CDH13: variants seen among roughly 807,000 people sequenced by gnomAD.
CDH13 encodes the protein cadherin-13.
A neutral mutation model predicts 63.8 loss-of-function variants in CDH13; 24 were observed. The observed-to-expected ratio is 0.38, with a 90% CI of 0.27 to 0.53. The LOEUF (loss-of-function observed/expected upper bound fraction) is 0.53. CDH13 is among the 20% of genes least tolerant of loss of function. The pLI, the probability that CDH13 is intolerant of heterozygous loss-of-function variation, is 0.85. For missense variants in CDH13, 1,049 were observed against 903.1 expected, an observed-to-expected ratio of 1.16 and a Z score of -2.07; for synonymous variants, 503 against 355.3, an observed-to-expected ratio of 1.42 and a Z score of -4.67.
intron 4 of CDH13, among the ~76,000 whole-genome samples, chr16:83,208,431 C>T (rs1463479147): frequency 6.6e-6 from 1 of 152,018 alleles, no homozygotes; most frequent in Non-Finnish European, 1.5e-5. Flanking sequence ...AATGATAAAA[C>T]ACAAATGCCT....
intron 6 of CDH13, among the ~76,000 whole-genome samples, chr16:83,386,173 A>C (rs2091670453): frequency 6.6e-6 from 1 of 152,232 alleles, no homozygotes; most frequent in Non-Finnish European, 1.5e-5. Context: ...AATGGTGCTG[A>C]ATTCAGAATC....
intron 2 of CDH13, among the ~76,000 whole-genome samples, chr16:82,948,397 T>C (rs544824454): frequency 6.6e-6 from 1 of 152,328 alleles, no homozygotes; most frequent in East Asian, 1.9e-4. Flanking sequence ...ACACATGGCA[T>C]GCCTTCAATA....
rs144164250 is a variant in CDH13 at position 83,008,619 on chromosome 16, T to C, written c.158-23391T>C. ...ACAAACATAATGTTATACTTGGACCTTTGCTGTGTTGAGACCACTGGGTGT... is the reference window on the plus strand; with the variant it reads ...ACAAACATAATGTTATACTTGGACCCTTGCTGTGTTGAGACCACTGGGTGT... On this transcript the variant is annotated intron_variant, in intron 2 of 13. Transcript: ENST00000567109. 3.5e-4 allele frequency among the ~76,000 whole-genome samples: 54 copies of C among 152,294 alleles called. No individual in the cohort carries two copies. The East Asian group carries it at 9.8e-3, about 28-fold the overall frequency.
chr16:83,375,291 C>G (rs2091440156), intron 6 of CDH13, among the ~76,000 whole-genome samples: 1 of 152,224 alleles, frequency 6.6e-6, no homozygotes, highest in Admixed American at 6.5e-5. Context: ...TAAAGAAGTG[C>G]TGAGGCCCCC....
At chr16:83,359,489 G>A (rs2091121203) in intron 6 of CDH13, among the ~76,000 whole-genome samples, 1 of 152,090 alleles carries the variant, frequency 6.6e-6, no homozygotes, top group Non-Finnish European at 1.5e-5. Context: ...GCAGGAGTTG[G>A]AAAGACTCTA....
At chr16:82,876,556 A>G (rs993888690) in intron 2 of CDH13, among the ~76,000 whole-genome samples, 7 of 152,250 alleles carry the variant, frequency 4.6e-5, no homozygotes, top group African/African-American at 9.6e-5. Flanking sequence ...TAACATTACT[A>G]TGTCACATTG....
chr16:83,076,227 A>T (rs955255220), intron 3 of CDH13, among the ~76,000 whole-genome samples: 1 of 152,224 alleles, frequency 6.6e-6, no homozygotes, highest in African/African-American at 2.4e-5. Context: ...ATTGTTTGAT[A>T]ATATTCCAAA....
intron 8 of CDH13, among the ~76,000 whole-genome samples, chr16:83,643,888 G>A (rs7185276): frequency 0.12 from 17,955 of 152,158 alleles, 1,196 homozygotes; most frequent in East Asian, 0.21. Context: ...ACCTACCCAC[G>A]CTTTACGTAC....
chr16:83,252,185 G>C (rs1905650115), intron 5 of CDH13, among the ~76,000 whole-genome samples: 1 of 147,540 alleles, frequency 6.8e-6, no homozygotes, highest in African/African-American at 2.5e-5. Flanking sequence ...ATGCCTGGAA[G>C]TCTCCCCACC....
At chr16:82,735,725 T>G (rs1303439820) in intron 1 of CDH13, among the ~76,000 whole-genome samples, 1 of 152,214 alleles carries the variant, frequency 6.6e-6, no homozygotes, top group African/African-American at 2.4e-5. Flanking sequence ...GAGACCACAA[T>G]GTTGCCATCC....
chr16:83,610,770 T>C (rs912064854), intron 8 of CDH13, among the ~76,000 whole-genome samples: 5 of 152,234 alleles, frequency 3.3e-5, no homozygotes, highest in African/African-American at 1.2e-4. Context: ...AATAGTGGAA[T>C]AAGTATTCTT....
At chr16:83,095,855 G>A (rs1385477235) in intron 3 of CDH13, among the ~76,000 whole-genome samples, 2 of 152,212 alleles carry the variant, frequency 1.3e-5, no homozygotes, top group Non-Finnish European at 2.9e-5. Flanking sequence ...GAGGCATGCA[G>A]TGAATAAAAT....
At chr16:83,464,286 G>A (rs2073254125) in intron 6 of CDH13, among the ~76,000 whole-genome samples, 1 of 152,092 alleles carries the variant, frequency 6.6e-6, no homozygotes, top group Non-Finnish European at 1.5e-5. Flanking sequence ...GCCAAGGTGG[G>A]TGGATCATGT....
chr16:83,146,193 C>CAAAAAAAAAAA (rs749952847), intron 4 of CDH13, among the ~76,000 whole-genome samples: 16 of 97,548 alleles, frequency 1.6e-4, no homozygotes, highest in African/African-American at 4.6e-4. Context: ...GACTCTGTCT[C>CAAAAAAAAAAA]AAAAAAAAAA....
chr16:83,102,005 A>T (rs1278801092), intron 3 of CDH13, among the ~76,000 whole-genome samples: 1 of 152,192 alleles, frequency 6.6e-6, no homozygotes, highest in East Asian at 1.9e-4. Flanking sequence ...ATTTTGGATT[A>T]TGTTGATGGG....
At chr16:83,118,115 C>T (rs1162821643) in intron 3 of CDH13, among the ~76,000 whole-genome samples, 6 of 152,144 alleles carry the variant, frequency 3.9e-5, no homozygotes, top group Non-Finnish European at 5.9e-5. Context: ...CCTCGGATGA[C>T]CTAGGCTAAA....
intron 1 of CDH13, among the ~76,000 whole-genome samples, chr16:82,656,262 G>A (rs1911280153): frequency 1.3e-5 from 2 of 151,976 alleles, no homozygotes; most frequent in South Asian, 2.1e-4. Flanking sequence ...CTGGCTCAGT[G>A]TGGCTGGAGA....
At chr16:83,216,099 T>A (rs1246641098) in intron 4 of CDH13, among the ~76,000 whole-genome samples, 1 of 151,894 alleles carries the variant, frequency 6.6e-6, no homozygotes, top group Non-Finnish European at 1.5e-5. Flanking sequence ...GTCTGCCTGC[T>A]GCCTTTGTCT....
chr16:83,302,245 C>T (rs74390824), intron 5 of CDH13, among the ~76,000 whole-genome samples: 6,461 of 152,254 alleles, frequency 0.042, 246 homozygotes, highest in African/African-American at 0.097. Context: ...GCTTTTACTT[C>T]CCGGATATTC....
Sources: allele counts gnomAD v4.1 joint callset (sites outside exome capture counted in the v4.1 genomes callset), GRCh38; gene constraint gnomAD v4.1.1; transcripts MANE v1.5; gene names NCBI Gene and HGNC (gene_info 2026-07-23, HGNC 2026-07-21).